LRP6: variants seen among roughly 807,000 people sequenced by gnomAD.
The protein encoded by LRP6 is low-density lipoprotein receptor-related protein 6.
In LRP6, 43 loss-of-function variants were observed where a neutral mutation model predicts 184.1. The ratio of observed to expected loss-of-function variants is 0.23; its 90% CI spans 0.18 to 0.30. LRP6 has a LOEUF of 0.30. Among genes scored for constraint, LRP6 ranks in the 10% least tolerant of loss-of-function variants. LRP6 has a pLI of 1.00. For synonymous variants in LRP6, 719 were observed against 684.9 expected (o/e 1.05, Z -0.78); for missense variants, 1,571 against 2,005.3 (o/e 0.78, Z 4.14).
chr12:12,164,938 AAAAAAAAAAAAAAAAAAGGC>A, intron 8 of LRP6, 121 bp downstream of exon 8: 1 of 399,252 alleles, frequency 2.5e-6, no homozygotes, highest in South Asian at 3.3e-5. Flanking sequence ...AAAAAAAAAA[AAAAAAAAAAAAAAAAAAGGC>A]GGGGGGGCAG....
chr12:12,202,717 T>C (rs933282958), intron 3 of LRP6, among the ~76,000 whole-genome samples: 2 of 152,212 alleles, frequency 1.3e-5, no homozygotes, highest in African/African-American at 2.4e-5. Context: ...AACCCCGTCC[T>C]AGTGTAGAGT....
intron 2 of LRP6, among the ~76,000 whole-genome samples, chr12:12,227,070 G>A (rs1206494027): frequency 1.3e-5 from 2 of 152,212 alleles, no homozygotes; most frequent in Non-Finnish European, 2.9e-5. Context: ...TTGTAGAAGA[G>A]CAGGATTACA....
chr12:12,171,501 G>A (rs1330547624), intron 7 of LRP6, among the ~76,000 whole-genome samples: 1 of 150,966 alleles, frequency 6.6e-6, no homozygotes, highest in Non-Finnish European at 1.5e-5. Context: ...CAGCCTGGGC[G>A]ACAGAGTGAA....
intron 7 of LRP6, among the ~76,000 whole-genome samples, chr12:12,165,732 C>T (rs1428586694): frequency 1.3e-5 from 2 of 152,120 alleles, no homozygotes; most frequent in African/African-American, 4.8e-5. Flanking sequence ...CATGTAAGGT[C>T]ACAGAGCTTG....
intron 12 of LRP6, among the ~76,000 whole-genome samples, chr12:12,157,273 C>T (rs1862613659): frequency 6.6e-6 from 1 of 151,970 alleles, no homozygotes; most frequent in South Asian, 2.1e-4. Flanking sequence ...TTAACAACTT[C>T]TGCTTGCTCT....
intron 3 of LRP6, among the ~76,000 whole-genome samples, chr12:12,201,216 C>T (rs1863906488): frequency 6.6e-6 from 1 of 152,100 alleles, no homozygotes; most frequent in Non-Finnish European, 1.5e-5. Context: ...TCTATTGTCC[C>T]TATCCTGCTC....
intron 1 of LRP6, among the ~76,000 whole-genome samples, chr12:12,257,361 G>A (rs564896606): frequency 3.3e-5 from 5 of 151,914 alleles, no homozygotes; most frequent in Admixed American, 6.6e-5. Context: ...GGTGGATCAC[G>A]AGGTCAGGAG....
intron 1 of LRP6, among the ~76,000 whole-genome samples, chr12:12,260,324 G>C (rs2135944712): frequency 6.6e-6 from 1 of 150,694 alleles, no homozygotes; most frequent in South Asian, 2.1e-4. Context: ...CTTGCAGTGA[G>C]CCGAGATTAC....
chr12:12,244,710 T>C, intron 1 of LRP6, 55 bp from the exon 2 acceptor site: 1 of 1,571,236 alleles, frequency 6.4e-7, no homozygotes, highest in East Asian at 2.3e-5. Flanking sequence ...GTATTGGTTC[T>C]TATAAACTGC....
chr12:12,257,770 C>G (rs1865504321), intron 1 of LRP6, among the ~76,000 whole-genome samples: 1 of 72,488 alleles, frequency 1.4e-5, no homozygotes, highest in African/African-American at 4.7e-5. Flanking sequence ...TAGTAAGACC[C>G]TGTCTCTACA....
chr12:12,236,633 G>A (rs945280249), intron 2 of LRP6, among the ~76,000 whole-genome samples: 8 of 152,152 alleles, frequency 5.3e-5, no homozygotes, highest in East Asian at 1.9e-4. Flanking sequence ...GCAGGCACCC[G>A]TGCTTCTGAC....
chr12:12,128,997 G>A (rs1949711125), intron 19 of LRP6, among the ~76,000 whole-genome samples: 1 of 152,080 alleles, frequency 6.6e-6, no homozygotes, highest in African/African-American at 2.4e-5. Context: ...TAAATTACAG[G>A]CTGCAAGTCA....
chr12:12,180,944 G>A (rs1313824495), intron 6 of LRP6, 99 bp downstream of exon 6: 2 of 1,327,090 alleles, frequency 1.5e-6, no homozygotes, highest in Non-Finnish European at 2.2e-6. Context: ...CTGTTTACTG[G>A]AAACCAATAT....
At chr12:12,196,890 A>G (rs1666153976) in intron 3 of LRP6, among the ~76,000 whole-genome samples, 1 of 152,164 alleles carries the variant, frequency 6.6e-6, no homozygotes, top group African/African-American at 2.4e-5. Flanking sequence ...GTAGCCATCG[A>G]CGCTCACCAC....
Position 12,244,526 on chromosome 12 carries a change from T to G in LRP6, c.185A>C (p.His62Pro), listed in dbSNP as rs554378302. Residue 62 changes from histidine (H) to proline (P), a missense_variant, in exon 2 of 23, where the codon CAT (histidine) becomes CCT (proline). His to Pro is a moderately conservative substitution (Grantham distance 77, BLOSUM62 -2). Transcript: ENST00000261349. ...GACATCACTCCAGTATATCAAGCCA[T>G]GACTAAACACAAAGTCCACCGCAGC... The part of the protein sequence containing the change: ...DAAAVDFVFS[H>P]GLIYWSDVSE... The G allele has an allele frequency of 6.2e-7, 1 of 1,614,232 alleles. No homozygotes were observed. The highest frequency in any genetic ancestry group is 1.1e-5 in the South Asian group (1 of 91,088).
intron 3 of LRP6, among the ~76,000 whole-genome samples, chr12:12,195,641 GGTC>G (rs1248878350): frequency 6.6e-6 from 1 of 152,050 alleles, no homozygotes; most frequent in East Asian, 1.9e-4. Flanking sequence ...TCATTCTGTA[GGTC>G]GTCTTTTCAC....
intron 1 of LRP6, among the ~76,000 whole-genome samples, chr12:12,265,865 A>G (rs1865743339): frequency 6.6e-6 from 1 of 152,190 alleles, no homozygotes; most frequent in South Asian, 2.1e-4. Flanking sequence ...AGAGCAAATT[A>G]TCTCGAACAG....
intron 15 of LRP6, among the ~76,000 whole-genome samples, chr12:12,141,015 A>T (rs1378663640): frequency 1.3e-5 from 2 of 152,232 alleles, no homozygotes; most frequent in African/African-American, 4.8e-5. Context: ...AAAGAAGTTA[A>T]ATTCCTTAAT....
At chr12:12,172,737 A>T (rs1024034586) in intron 7 of LRP6, among the ~76,000 whole-genome samples, 1 of 152,250 alleles carries the variant, frequency 6.6e-6, no homozygotes, top group Non-Finnish European at 1.5e-5. Context: ...ATAATTTCAC[A>T]CAAATGGGAT....
Sources: allele counts gnomAD v4.1 joint callset (sites outside exome capture counted in the v4.1 genomes callset), GRCh38; gene constraint gnomAD v4.1.1; transcripts MANE v1.5; gene names NCBI Gene and HGNC (gene_info 2026-07-23, HGNC 2026-07-21).